Variants in TMCO4 observed in about 807,000 individuals in gnomAD.
TMCO4 encodes the protein transmembrane and coiled-coil domain-containing protein 4.
Under a neutral mutation model 64.7 loss-of-function variants are expected in TMCO4, and 58 were observed. The observed-to-expected ratio is 0.90, with a 90% confidence interval of 0.73 to 1.12. The LOEUF is 1.12. Among genes scored for constraint, TMCO4 ranks in the 50% most tolerant of loss-of-function variants. The pLI is 0.00. For missense variants in TMCO4, 780 were observed against 825.9 expected, an observed-to-expected ratio of 0.94 and a Z score of 0.68; for synonymous variants, 325 against 346.1, an observed-to-expected ratio of 0.94 and a Z score of 0.68.
At chr1:19,745,267 G>A (rs1416670696) in intron 10 of TMCO4, among the ~76,000 whole-genome samples, 4 of 134,014 alleles carry the variant, frequency 3.0e-5, no homozygotes. Context: ...TGGGTGGATG[G>A]ATGGGTAAAC....
At position 19,700,869 on chromosome 1, in the gene TMCO4, G is replaced by T. The variant is rs200574088; in HGVS notation, c.1281C>A (p.Ile427=). The T allele has an allele frequency of 2.5e-6, 4 of 1,614,064 alleles. No homozygotes were observed. The African/African-American group carries it at 4.0e-5, about 16-fold the overall frequency. Reference sequence around the variant, plus strand: ...GCGCACCCAGCAGGATGACGTCCTCGATGATTCCTTGGCAATCTGGCAAAA... The same window carrying T: ...GCGCACCCAGCAGGATGACGTCCTCTATGATTCCTTGGCAATCTGGCAAAA... ...MAQEKDCQGI[I]EDVILLGAPV... The change falls in exon 14 of 16, where the codon ATC becomes ATA. Residue 427 remains isoleucine (I), a synonymous_variant. Transcript: ENST00000294543.
chr1:19,730,508 G>A (rs978201467), intron 13 of TMCO4, among the ~76,000 whole-genome samples: 2 of 152,230 alleles, frequency 1.3e-5, no homozygotes, highest in Non-Finnish European at 2.9e-5. Context: ...ATTATTCCAG[G>A]TACAGGAAGC....
chr1:19,700,616 C>A, intron 14 of TMCO4, 152 bp downstream of exon 14: 1 of 711,538 alleles, frequency 1.4e-6, no homozygotes, highest in Admixed American at 2.4e-5. Context: ...CAGGCCTGGG[C>A]CTGCTCCTAA....
intron 13 of TMCO4, among the ~76,000 whole-genome samples, chr1:19,721,931 G>A (rs1026050202): frequency 6.6e-6 from 1 of 152,202 alleles, no homozygotes; most frequent in Admixed American, 6.5e-5. Context: ...CGGCCTCCCT[G>A]GACATGGCTC....
intron 13 of TMCO4, among the ~76,000 whole-genome samples, chr1:19,708,989 A>C (rs934507746): frequency 2.0e-5 from 3 of 152,196 alleles, no homozygotes; most frequent in Non-Finnish European, 2.9e-5. Context: ...GAACTGCACT[A>C]ACACAAATGA....
chr1:19,765,001 A>G (rs2042671774), intron 6 of TMCO4, among the ~76,000 whole-genome samples: 1 of 152,068 alleles, frequency 6.6e-6, no homozygotes, highest in Non-Finnish European at 1.5e-5. Flanking sequence ...CCAGGCCAGA[A>G]AGCAGAGCCA....
intron 3 of TMCO4, among the ~76,000 whole-genome samples, chr1:19,786,712 A>C (rs1374704209): frequency 6.6e-6 from 1 of 152,214 alleles, no homozygotes; most frequent in African/African-American, 2.4e-5. Flanking sequence ...CTATATTTGC[A>C]ACTTCCTGTG....
chr1:19,694,253 G>A (rs996980045), intron 15 of TMCO4, among the ~76,000 whole-genome samples, 181 bp downstream of exon 15: 1 of 152,170 alleles, frequency 6.6e-6, no homozygotes, highest in Non-Finnish European at 1.5e-5. Flanking sequence ...CTGCCCTCCT[G>A]GGCCTCCCGA....
intron 15 of TMCO4, among the ~76,000 whole-genome samples, chr1:19,685,435 G>A (rs2095139115): frequency 6.6e-6 from 1 of 152,224 alleles, no homozygotes; most frequent in Non-Finnish European, 1.5e-5. Flanking sequence ...CTTCGTCAGA[G>A]TCATACGTTC....
chr1:19,685,703 C>T (rs1414933752), intron 15 of TMCO4, among the ~76,000 whole-genome samples: 2 of 113,964 alleles, frequency 1.8e-5, no homozygotes, highest in African/African-American at 6.2e-5. Flanking sequence ...TGAATCCAGG[C>T]CTGTTTCTTT....
Position 19,747,143 on chromosome 1 carries a change from C to T in TMCO4, c.613+20G>A. The stretch of plus-strand genomic sequence containing the variant: ...GTCTACAAAACCCAGACGTGTGCCA[C>T]CATCTCTAGCTGGACTCACCGATCA... On this transcript the variant is annotated intron_variant, in intron 8 of 15. Transcript: ENST00000294543. The T allele has an allele frequency of 1.9e-6, 3 of 1,612,204 alleles. No individual in the cohort carries two copies. The highest frequency in any genetic ancestry group is 2.5e-6 in the Non-Finnish European group (3 of 1,178,396).
In TMCO4 at chr1:19,702,285, C is replaced by CAAA. The variant is rs71010505; in HGVS notation, c.1265-1403_1265-1401dup. Among the ~76,000 whole-genome samples the CAAA allele has an allele frequency of 3.9e-5, 4 of 102,914 alleles. 1 individual carries two copies. The highest frequency in any genetic ancestry group is 6.9e-5 in the African/African-American group (2 of 29,088). 67.5% of individuals were successfully genotyped at this position (102,914 alleles called of 152,430 possible). Reference sequence around the variant, plus strand: ...TGCCTGGCCGAGACTCTTGTCTTTACAAAAAAAAAAAAAAAAAAAGTCAGG... The same window carrying CAAA: ...TGCCTGGCCGAGACTCTTGTCTTTACAAAAAAAAAAAAAAAAAAAAAAGTCAGG... On this transcript the variant is annotated intron_variant, in intron 13 of 15. Coordinates refer to ENST00000294543, the MANE Select transcript of TMCO4 (RefSeq NM_181719.7).
At chr1:19,708,402 TA>T (rs58397449) in intron 13 of TMCO4, among the ~76,000 whole-genome samples, 9,596 of 132,200 alleles carry the variant, frequency 0.073, 925 homozygotes, top group African/African-American at 0.23. Context: ...AATACATAAA[TA>T]AAAAAAAAAA....
chr1:19,745,777 C>T (rs1400537008), intron 9 of TMCO4, 126 bp from the exon 10 acceptor site: 12 of 1,309,564 alleles, frequency 9.2e-6, no homozygotes, highest in Non-Finnish European at 1.2e-5. Flanking sequence ...TGGAAAAACA[C>T]ATTTTGTGTT....
chr1:19,710,059 G>A (rs1024315654), intron 13 of TMCO4, among the ~76,000 whole-genome samples: 4 of 151,668 alleles, frequency 2.6e-5, no homozygotes, highest in African/African-American at 9.7e-5. Context: ...AGGATTACAG[G>A]TGTGAGCCAC....
intron 6 of TMCO4, among the ~76,000 whole-genome samples, chr1:19,762,956 C>A (rs2042568974): frequency 6.6e-6 from 1 of 152,250 alleles, no homozygotes; most frequent in Non-Finnish European, 1.5e-5. Context: ...CTTTGTCAAA[C>A]AGACCTGGGT....
At chr1:19,713,359 G>C (rs1021993294) in intron 13 of TMCO4, among the ~76,000 whole-genome samples, 1 of 152,136 alleles carries the variant, frequency 6.6e-6, no homozygotes, top group Admixed American at 6.6e-5. Context: ...TAAGACACTA[G>C]TTCAGGATGA....
chr1:19,737,102 T>G (rs575756295), intron 13 of TMCO4, among the ~76,000 whole-genome samples: 33 of 152,294 alleles, frequency 2.2e-4, no homozygotes, highest in African/African-American at 7.7e-4. Context: ...TCCCCTTCAT[T>G]CCCACTTGGG....
At chr1:19,758,867 G>A (rs1052988431) in intron 6 of TMCO4, among the ~76,000 whole-genome samples, 3 of 152,072 alleles carry the variant, frequency 2.0e-5, no homozygotes, top group African/African-American at 2.4e-5. Context: ...TTGGGAGGCC[G>A]AGGTGGGCCA....
Sources: allele counts gnomAD v4.1 joint callset (sites outside exome capture counted in the v4.1 genomes callset), GRCh38; gene constraint gnomAD v4.1.1; transcripts MANE v1.5; gene names NCBI Gene and HGNC (gene_info 2026-07-23, HGNC 2026-07-21).